Variants in SNX29 observed in about 807,000 individuals in gnomAD.
SNX29 encodes sorting nexin 29, also known as sorting nexin-29.
Under a neutral mutation model 102.1 loss-of-function variants are expected in SNX29, and 78 were observed. That is an observed-to-expected ratio of 0.76 (90% CI 0.64 to 0.92). The LOEUF is 0.92. SNX29 is among the 40% of genes least tolerant of loss of function. SNX29 has a pLI of 0.00. For missense variants in SNX29, 1,280 were observed against 1,061.7 expected, an observed-to-expected ratio of 1.21 and a Z score of -2.86; for synonymous variants, 580 against 414.5, an observed-to-expected ratio of 1.40 and a Z score of -4.85.
chr16:12,335,309 G>A (rs1596963063), intron 15 of SNX29, among the ~76,000 whole-genome samples: 1 of 152,168 alleles, frequency 6.6e-6, no homozygotes, highest in Non-Finnish European at 1.5e-5. Flanking sequence ...TGAAACTCTT[G>A]CTGCTGGGAG....
At chr16:12,452,232 T>C (rs1280734113) in intron 18 of SNX29, among the ~76,000 whole-genome samples, 1 of 152,248 alleles carries the variant, frequency 6.6e-6, no homozygotes, top group African/African-American at 2.4e-5. Flanking sequence ...TGGTTTTGTT[T>C]TGTCCCTACG....
At chr16:12,254,622 CAG>C (rs1333921615) in intron 14 of SNX29, among the ~76,000 whole-genome samples, 1 of 150,680 alleles carries the variant, frequency 6.6e-6, no homozygotes, top group Non-Finnish European at 1.5e-5. Context: ...GCCTGGGTGA[CAG>C]AGCACCAGAG....
intron 18 of SNX29, among the ~76,000 whole-genome samples, chr16:12,422,893 T>C (rs946171092): frequency 6.6e-6 from 1 of 152,142 alleles, no homozygotes; most frequent in Non-Finnish European, 1.5e-5. Flanking sequence ...TGTACGGAGA[T>C]AGGCTTTAAA....
chr16:12,571,948 G>T lies in SNX29; in HGVS notation c.*3319G>T, dbSNP rs1431090988. 9.4e-7 allele frequency: 1 copy of T among 1,061,956 alleles called. No individual in the cohort carries two copies. The highest frequency in any genetic ancestry group is 1.1e-6 in the Non-Finnish European group (1 of 877,220). 65.8% of individuals were successfully genotyped at this position (1,061,956 alleles called of 1,614,324 possible). A position where few individuals can be genotyped will look rare whatever the true frequency, so the allele number is the denominator to read the frequency against. ...GGTGAAGGAAGACACTTTCAGGGAA[G>T]AGGCTCTTACAGTCTATGGTGGTAG... On this transcript the variant is annotated 3_prime_UTR_variant, in exon 21 of 21. Transcript: ENST00000566228.
At position 12,098,729 on chromosome 16, in the gene SNX29, C is replaced by T. The variant is rs1301981548; in HGVS notation, c.1402+19814C>T. ...GTGAAGATCAAGAGGCTAGCTTTGT[C>T]ATCAGTAAAGCTGGTTGGAAAACAG... On this transcript the variant is annotated intron_variant, in intron 11 of 20. Transcript: ENST00000566228. The surrounding 1 kb of genome is among the most constrained non-coding windows in gnomAD (Gnocchi z 6.0). Among the ~76,000 whole-genome samples, 1 of 152,212 alleles carries T rather than the reference C, an allele frequency of 6.6e-6. No homozygotes were observed. The highest frequency in any genetic ancestry group is 2.4e-5 in the African/African-American group (1 of 41,450).
intron 1 of SNX29, among the ~76,000 whole-genome samples, chr16:11,988,310 A>C (rs2055713491): frequency 6.8e-6 from 1 of 147,408 alleles, no homozygotes; most frequent in Non-Finnish European, 1.5e-5. Flanking sequence ...AAAAAAAAAA[A>C]GTTTATTGGT....
intron 1 of SNX29, among the ~76,000 whole-genome samples, chr16:11,981,500 T>G (rs915825258): frequency 1.3e-5 from 2 of 152,166 alleles, no homozygotes; most frequent in Admixed American, 1.3e-4. Context: ...CATTTGTTGT[T>G]GAAGGAAACA....
intron 10 of SNX29, among the ~76,000 whole-genome samples, chr16:12,073,312 G>A (rs2051385243): frequency 6.6e-6 from 1 of 152,024 alleles, no homozygotes; most frequent in Non-Finnish European, 1.5e-5. Flanking sequence ...GGCATTTAGT[G>A]CTATAAATTT....
At chr16:12,097,801 C>T (rs1274062649) in intron 11 of SNX29, among the ~76,000 whole-genome samples, 4 of 152,158 alleles carry the variant, frequency 2.6e-5, no homozygotes, top group East Asian at 3.9e-4. Flanking sequence ...GGGGATGAGA[C>T]GCGGTCAGAC....
chr16:12,305,467 C>T (rs7187378), intron 15 of SNX29, among the ~76,000 whole-genome samples: 7,352 of 152,256 alleles, frequency 0.048, 591 homozygotes, highest in African/African-American at 0.17. Context: ...CCCTTCACTT[C>T]TCTGGGCACA....
chr16:12,533,278 G>C (rs1473883220), intron 20 of SNX29, among the ~76,000 whole-genome samples: 1 of 152,248 alleles, frequency 6.6e-6, no homozygotes, highest in African/African-American at 2.4e-5. Flanking sequence ...AGAATCCGTA[G>C]CAGCTTCCTG....
chr16:12,463,761 T>C (rs974158956), intron 18 of SNX29, among the ~76,000 whole-genome samples: 1 of 152,090 alleles, frequency 6.6e-6, no homozygotes, highest in Non-Finnish European at 1.5e-5. Context: ...GATGTACATA[T>C]ACATCGTGTA....
chr16:12,153,094 A>G (rs1346537253), intron 13 of SNX29, among the ~76,000 whole-genome samples: 1 of 152,156 alleles, frequency 6.6e-6, no homozygotes, highest in East Asian at 1.9e-4. Context: ...TTTTTAGTCA[A>G]GGATAATAAT....
At chr16:12,424,220 A>C (rs2084971772) in intron 18 of SNX29, among the ~76,000 whole-genome samples, 1 of 152,220 alleles carries the variant, frequency 6.6e-6, no homozygotes, top group South Asian at 2.1e-4. Flanking sequence ...TAAAATGAAG[A>C]GCCCTTCAAG....
At chr16:12,384,893 G>A (rs2083291582) in intron 16 of SNX29, among the ~76,000 whole-genome samples, 1 of 152,210 alleles carries the variant, frequency 6.6e-6, no homozygotes, top group African/African-American at 2.4e-5. Flanking sequence ...TGTGGAGGCC[G>A]GGCATGGTGG....
intron 14 of SNX29, among the ~76,000 whole-genome samples, chr16:12,269,103 C>G (rs1039308002): frequency 6.6e-6 from 1 of 152,226 alleles, no homozygotes; most frequent in Admixed American, 6.5e-5. Context: ...CACAGTCTCC[C>G]TGTCTATTTG....
At chr16:12,065,526 A>G (rs530783187) in intron 9 of SNX29, among the ~76,000 whole-genome samples, 1 of 152,256 alleles carries the variant, frequency 6.6e-6, no homozygotes, top group South Asian at 2.1e-4. Flanking sequence ...TTTCCCCATC[A>G]AGTCTAAAGT....
intron 11 of SNX29, among the ~76,000 whole-genome samples, chr16:12,125,752 C>T (rs915893627): frequency 4.0e-5 from 6 of 151,680 alleles, no homozygotes; most frequent in African/African-American, 7.3e-5. Context: ...CCACCGTGCC[C>T]GGCCTACATC....
At chr16:11,998,136 G>C (rs1449174945) in intron 1 of SNX29, among the ~76,000 whole-genome samples, 4 of 152,224 alleles carry the variant, frequency 2.6e-5, no homozygotes, top group Non-Finnish European at 5.9e-5. Context: ...GCTACTCTCT[G>C]GTGCAGCCCA....
Sources: allele counts gnomAD v4.1 joint callset (sites outside exome capture counted in the v4.1 genomes callset), GRCh38; gene constraint gnomAD v4.1.1; non-coding constraint Gnocchi (gnomAD v3.1); transcripts MANE v1.5; gene names NCBI Gene and HGNC (gene_info 2026-07-23, HGNC 2026-07-21).